The following AKAP6 variants were observed in gnomAD, a reference collection of about 807,000 sequenced individuals.
The protein encoded by AKAP6 is A-kinase anchoring protein 6, also known as A-kinase anchor protein 6.
A neutral mutation model predicts 188.5 loss-of-function variants in AKAP6; 58 were observed. The observed-to-expected ratio is 0.31, with a 90% CI of 0.25 to 0.38. AKAP6 has a LOEUF of 0.38. Ranked by LOEUF, AKAP6 falls within the 10% of genes least tolerant of loss-of-function variation. The pLI is 1.00. For missense variants in AKAP6, 2,710 were observed against 2,740.0 expected, an observed-to-expected ratio of 0.99 and a Z score of 0.24; for synonymous variants, 989 against 998.6, an observed-to-expected ratio of 0.99 and a Z score of 0.18.
chr14:32,527,836 A>AT (rs1429977502), intron 2 of AKAP6, among the ~76,000 whole-genome samples: 1 of 152,026 alleles, frequency 6.6e-6, no homozygotes, highest in Non-Finnish European at 1.5e-5. Context: ...AGACTTCTTT[A>AT]TATATTTTGA....
intron 11 of AKAP6, among the ~76,000 whole-genome samples, chr14:32,758,823 A>G (rs529276927): frequency 6.6e-6 from 1 of 152,328 alleles, no homozygotes; most frequent in South Asian, 2.1e-4. Context: ...ACTAAGTACT[A>G]TTTTAAACAG....
intron 8 of AKAP6, among the ~76,000 whole-genome samples, chr14:32,683,981 G>A (rs1594844439): frequency 6.6e-6 from 1 of 152,176 alleles, no homozygotes; most frequent in Admixed American, 6.6e-5. Context: ...ATTTGAGAAT[G>A]GACCTCCGTA....
intron 1 of AKAP6, among the ~76,000 whole-genome samples, chr14:32,400,003 G>C (rs753628873): frequency 2.0e-5 from 3 of 151,848 alleles, no homozygotes; most frequent in Non-Finnish European, 4.4e-5. Context: ...TTACCAAGAG[G>C]CTTCTTCTTT....
At chr14:32,376,644 A>C (rs1888165487) in intron 1 of AKAP6, among the ~76,000 whole-genome samples, 1 of 152,200 alleles carries the variant, frequency 6.6e-6, no homozygotes, top group Non-Finnish European at 1.5e-5. Context: ...TGTGGATGTA[A>C]AGTTATACTC....
chr14:32,775,161 T>C (rs1367423577), intron 12 of AKAP6, among the ~76,000 whole-genome samples: 1 of 152,212 alleles, frequency 6.6e-6, no homozygotes, highest in African/African-American at 2.4e-5. Flanking sequence ...TGTAAAGCTA[T>C]TTAGCTGGCA....
At chr14:32,404,712 T>TATATATATATATATA (rs1491351629) in intron 1 of AKAP6, among the ~76,000 whole-genome samples, 3 of 10,536 alleles carry the variant, frequency 2.8e-4, no homozygotes, top group African/African-American at 4.5e-4. Context: ...ATATATATAT[T>TATATATATATATATA]AGTCAGAATG....
intron 2 of AKAP6, among the ~76,000 whole-genome samples, chr14:32,502,887 A>C (rs1456853056): frequency 2.0e-5 from 3 of 152,168 alleles, no homozygotes; most frequent in Non-Finnish European, 4.4e-5. Flanking sequence ...ACTGTATTGC[A>C]ATAAATAAGC....
At chr14:32,801,634 C>G (rs2300848) in intron 12 of AKAP6, among the ~76,000 whole-genome samples, 2 of 151,976 alleles carry the variant, frequency 1.3e-5, no homozygotes, top group Non-Finnish European at 2.9e-5. Flanking sequence ...TTTCTTACCT[C>G]TGTTATTTCC....
intron 9 of AKAP6, among the ~76,000 whole-genome samples, chr14:32,706,335 G>A (rs932996691): frequency 8.5e-5 from 13 of 152,142 alleles, no homozygotes; most frequent in African/African-American, 3.1e-4. Context: ...GCTGTTCTGT[G>A]AAAGCCCCCA....
chr14:32,792,325 G>A (rs2033635886), intron 12 of AKAP6, among the ~76,000 whole-genome samples: 1 of 152,254 alleles, frequency 6.6e-6, no homozygotes, highest in East Asian at 1.9e-4. Context: ...TCTCCCTGAA[G>A]AGGACCTTCA....
chr14:32,613,641 G>T (rs908531597), intron 7 of AKAP6, among the ~76,000 whole-genome samples: 3 of 152,134 alleles, frequency 2.0e-5, no homozygotes, highest in Admixed American at 6.5e-5. Context: ...GATAATGACT[G>T]TTGTAGGGTA....
At chr14:32,485,656 G>A (rs1352690556) in intron 2 of AKAP6, among the ~76,000 whole-genome samples, 4 of 82,170 alleles carry the variant, frequency 4.9e-5, no homozygotes, top group South Asian at 6.0e-4. Flanking sequence ...CTTTTAATGG[G>A]GTTGTTTGTT....
chr14:32,715,920 A>T (rs1317424671), intron 9 of AKAP6, among the ~76,000 whole-genome samples: 1 of 151,860 alleles, frequency 6.6e-6, no homozygotes, highest in East Asian at 1.9e-4. Context: ...TCTGCATGCT[A>T]AGAAAATTTT....
intron 4 of AKAP6, among the ~76,000 whole-genome samples, chr14:32,563,715 C>A (rs1884063001): frequency 6.6e-6 from 1 of 152,168 alleles, no homozygotes; most frequent in Non-Finnish European, 1.5e-5. Context: ...CTCTGTAAGA[C>A]TCTGCCTTGT....
At chr14:32,686,115 G>A (rs12436504) in intron 8 of AKAP6, among the ~76,000 whole-genome samples, 18,323 of 152,220 alleles carry the variant, frequency 0.12, 1,192 homozygotes, top group Admixed American at 0.15. Flanking sequence ...CCATAAAAAA[G>A]AATGAACTTC....
intron 1 of AKAP6, among the ~76,000 whole-genome samples, chr14:32,352,151 T>C (rs928714663): frequency 2.6e-5 from 4 of 150,944 alleles, no homozygotes; most frequent in Admixed American, 2.6e-4. Flanking sequence ...GGTGGGTGTC[T>C]AGGCCCTTTC....
At chr14:32,808,646 G>A (rs2034148634) in intron 12 of AKAP6, among the ~76,000 whole-genome samples, 1 of 152,122 alleles carries the variant, frequency 6.6e-6, no homozygotes, top group African/African-American at 2.4e-5. Context: ...CTTCAAATAG[G>A]GAAGGGAGTC....
intron 10 of AKAP6, chr14:32,733,946 A>G (rs1284459917): frequency 6.6e-6 from 1 of 152,152 alleles, no homozygotes; most frequent in Non-Finnish European, 1.5e-5. Flanking sequence ...TTTGATAAAT[A>G]ACAATAATAT....
intron 1 of AKAP6, among the ~76,000 whole-genome samples, chr14:32,376,782 C>T (rs1208133563): frequency 1.3e-5 from 2 of 152,106 alleles, no homozygotes; most frequent in Non-Finnish European, 1.5e-5. Context: ...CTACAACTTC[C>T]GCCTCCTGGA....
Sources: gnomAD v4.1 joint callset for allele counts (sites outside exome capture counted in the v4.1 genomes callset) on GRCh38, gnomAD v4.1.1 for gene constraint, MANE v1.5 for transcripts, NCBI Gene and HGNC (gene_info 2026-07-23, HGNC 2026-07-21) for gene names.